The following SEPTIN9 variants were observed in gnomAD, a reference collection of about 807,000 sequenced individuals.
SEPTIN9 encodes septin-9.
Under a neutral mutation model 56.6 loss-of-function variants are expected in SEPTIN9, and 13 were observed. The observed-to-expected ratio is 0.23, with a 90% CI of 0.15 to 0.37. The LOEUF (loss-of-function observed/expected upper bound fraction) is 0.37. Ranked by LOEUF, SEPTIN9 falls within the 10% of genes least tolerant of loss-of-function variation. The pLI is 1.00. For missense variants in SEPTIN9, 650 were observed against 823.1 expected (o/e 0.79, Z 2.57); for synonymous variants, 332 against 334.1 (o/e 0.99, Z 0.07).
chr17:77,440,727 A>T (rs889837285), intron 3 of SEPTIN9, among the ~76,000 whole-genome samples: 1 of 152,246 alleles, frequency 6.6e-6, no homozygotes, highest in East Asian at 1.9e-4. Context: ...CACAGGTGCC[A>T]TCTCCTTTAC....
intron 3 of SEPTIN9, chr17:77,481,804 G>A (rs372082418): frequency 3.7e-5 from 13 of 347,056 alleles, no homozygotes; most frequent in African/African-American, 6.2e-5. Flanking sequence ...TCCAGGGTAC[G>A]GAGACAGGAG....
At chr17:77,477,887 C>G (rs993634391) in intron 3 of SEPTIN9, among the ~76,000 whole-genome samples, 3 of 152,178 alleles carry the variant, frequency 2.0e-5, no homozygotes, top group Non-Finnish European at 2.9e-5. Context: ...TCTGGATACC[C>G]GAAAGAATGG....
chr17:77,422,229 A>G (rs2036730505), intron 3 of SEPTIN9, among the ~76,000 whole-genome samples: 1 of 152,034 alleles, frequency 6.6e-6, no homozygotes. Flanking sequence ...GTGTTCTTGA[A>G]CAGCTCTGGG....
chr17:77,488,899 G>T, intron 7 of SEPTIN9, 35 bp downstream of exon 7: 1 of 1,610,018 alleles, frequency 6.2e-7, no homozygotes, highest in Non-Finnish European at 8.5e-7. Flanking sequence ...CTCATGCCGG[G>T]TGCCCTGGGT....
chr17:77,457,822 G>T (rs780499418), intron 3 of SEPTIN9, among the ~76,000 whole-genome samples: 1 of 152,268 alleles, frequency 6.6e-6, no homozygotes, highest in Non-Finnish European at 1.5e-5. Context: ...TCACTATGAC[G>T]TGTTTAGTTG....
intron 3 of SEPTIN9, chr17:77,427,102 T>TC (rs1430781820): frequency 1.3e-5 from 2 of 152,022 alleles, no homozygotes; most frequent in Admixed American, 6.6e-5. Flanking sequence ...GAGACAGAGG[T>TC]CCCTGTGCTC....
chr17:77,373,329 C>T, intron 2 of SEPTIN9: 1 of 1,172,030 alleles, frequency 8.5e-7, no homozygotes, highest in Admixed American at 4.7e-5. Context: ...CGCCCGCCTT[C>T]CTCCCCCATT....
At chr17:77,305,895 AGTGGGTGGGTGGGGGGGTGG>A (rs1290711091) in intron 1 of SEPTIN9, among the ~76,000 whole-genome samples, 3 of 31,144 alleles carry the variant, frequency 9.6e-5, no homozygotes, top group South Asian at 1.2e-3. Flanking sequence ...AGGAAGGATG[AGTGGGTGGGTGGGGGGGTGG>A]GTGGGTGGGT....
chr17:77,383,518 G>A (rs1399521771), intron 2 of SEPTIN9, among the ~76,000 whole-genome samples: 2 of 152,182 alleles, frequency 1.3e-5, no homozygotes, highest in Non-Finnish European at 2.9e-5. Context: ...GGCTGAGCAC[G>A]ATGGAAATCT....
At chr17:77,401,202 G>A (rs932685378) in intron 2 of SEPTIN9, among the ~76,000 whole-genome samples, 1 of 152,194 alleles carries the variant, frequency 6.6e-6, no homozygotes, top group Non-Finnish European at 1.5e-5. Flanking sequence ...TTACATCCCA[G>A]GGTTAAGCGG....
chr17:77,284,598 GT>G (rs113644232), intron 1 of SEPTIN9, among the ~76,000 whole-genome samples: 1 of 151,876 alleles, frequency 6.6e-6, no homozygotes, highest in Non-Finnish European at 1.5e-5. Flanking sequence ...TGCCTCATTT[GT>G]TTTTTTGTGT....
chr17:77,307,017 C>G, intron 1 of SEPTIN9, 124 bp from the exon 2 acceptor site: 2 of 933,540 alleles, frequency 2.1e-6, no homozygotes, highest in Non-Finnish European at 3.5e-6. Context: ...CCAGATGGGC[C>G]CCGTTTCTGG....
chr17:77,491,290 C>A (rs2040015115), intron 8 of SEPTIN9, among the ~76,000 whole-genome samples: 2 of 151,964 alleles, frequency 1.3e-5, no homozygotes, highest in South Asian at 4.1e-4. Flanking sequence ...AATCATGGCT[C>A]ACTGCAGCCT....
chr17:77,464,063 A>AT (rs146673019), intron 3 of SEPTIN9, among the ~76,000 whole-genome samples: 2 of 151,614 alleles, frequency 1.3e-5, no homozygotes, highest in African/African-American at 2.4e-5. Flanking sequence ...AATTTAAAAA[A>AT]TTTTTTTTCT....
At chr17:77,291,124 C>T (rs1215218636) in intron 1 of SEPTIN9, among the ~76,000 whole-genome samples, 4 of 148,818 alleles carry the variant, frequency 2.7e-5, no homozygotes, top group African/African-American at 7.4e-5. Flanking sequence ...CAACCCCCGG[C>T]TCCTGGATTA....
At position 77,453,394 on chromosome 17, in the gene SEPTIN9, T is replaced by A. The variant is rs2038059287; in HGVS notation, c.722-28750T>A. On this transcript the variant is annotated intron_variant, in intron 3 of 11. Transcript: ENST00000427177. The surrounding 1 kb of genome is among the most constrained non-coding windows in gnomAD (Gnocchi z 4.4). ...GCCAAGGCAGGCAGATCACCTGAGG[T>A]CAAGAGTTCGAGACCAGCCTGGCCA... Among the ~76,000 whole-genome samples the A allele has an allele frequency of 6.6e-6, 1 of 151,964 alleles. No homozygotes were observed. The highest frequency in any genetic ancestry group is 2.4e-5 in the African/African-American group (1 of 41,354).
intron 2 of SEPTIN9, among the ~76,000 whole-genome samples, chr17:77,340,040 G>T (rs1192534235): frequency 6.6e-6 from 1 of 152,082 alleles, no homozygotes; most frequent in African/African-American, 2.4e-5. Context: ...TGTTGGCCAG[G>T]CTGGTCTTGA....
intron 3 of SEPTIN9, among the ~76,000 whole-genome samples, chr17:77,410,240 C>T (rs2036244649): frequency 6.6e-6 from 1 of 152,158 alleles, no homozygotes; most frequent in Non-Finnish European, 1.5e-5. Context: ...TCCCCCCATC[C>T]CACTGCTGCT....
At chr17:77,360,204 T>C (rs1415729629) in intron 2 of SEPTIN9, among the ~76,000 whole-genome samples, 1 of 149,238 alleles carries the variant, frequency 6.7e-6, no homozygotes, top group Non-Finnish European at 1.5e-5. Context: ...TGTAGCCACA[T>C]GGCCACCTTC....
Sources: allele counts gnomAD v4.1 joint callset (sites outside exome capture counted in the v4.1 genomes callset), GRCh38; gene constraint gnomAD v4.1.1; non-coding constraint Gnocchi (gnomAD v3.1); transcripts MANE v1.5; gene names NCBI Gene and HGNC (gene_info 2026-07-23, HGNC 2026-07-21).